Variants in TUBAL3 observed in about 807,000 individuals in gnomAD.
TUBAL3 encodes tubulin alpha like 3, also known as tubulin alpha chain-like 3.
A neutral mutation model predicts 15.5 loss-of-function variants in TUBAL3; 16 were observed. The ratio of observed to expected loss-of-function variants is 1.04; its 90% confidence interval spans 0.70 to 1.57. The LOEUF (loss-of-function observed/expected upper bound fraction) is 1.57. TUBAL3 is among the 40% of genes most tolerant of loss of function. The pLI is 0.00. For missense variants in TUBAL3, 609 were observed against 576.2 expected (o/e 1.06, Z -0.58); for synonymous variants, 238 against 224.3 (o/e 1.06, Z -0.55).
chr10:5,402,004 A>T (rs1245285217), intron 1 of TUBAL3, among the ~76,000 whole-genome samples: 1 of 152,224 alleles, frequency 6.6e-6, no homozygotes, highest in Non-Finnish European at 1.5e-5. Context: ...GATTTATGAC[A>T]TGGGAAATGC....
chr10:5,404,731 A>G, intron 1 of TUBAL3, 59 bp downstream of exon 1: 3 of 1,575,302 alleles, frequency 1.9e-6, no homozygotes, highest in African/African-American at 1.3e-5. Context: ...CTGTGGGAAA[A>G]GGGCCAAATA....
intron 2 of TUBAL3, among the ~76,000 whole-genome samples, chr10:5,398,660 T>C (rs78858303): frequency 0.039 from 5,877 of 152,308 alleles, 147 homozygotes; most frequent in South Asian, 0.072. Context: ...TCCTTCTGCC[T>C]TGCAGAGCAA....
intron 2 of TUBAL3, 149 bp downstream of exon 2, chr10:5,400,695 T>C: frequency 1.2e-6 from 1 of 840,286 alleles, no homozygotes; most frequent in Non-Finnish European, 1.9e-6. Flanking sequence ...GTCATGTTAA[T>C]CACCCATGGC....
In TUBAL3 at chr10:5,393,501, A is replaced by C. The variant is rs782265050; in HGVS notation, c.*16T>G. On this transcript the variant is annotated 3_prime_UTR_variant, in exon 4 of 4. Transcript: ENST00000380419. ...CCATTTTAACTTGACATTCATTTGC[A>C]CCCATCATACATGCCTCAGAAACTT... 67 of 1,572,722 alleles carry C rather than the reference A, an allele frequency of 4.3e-5. No individual in the cohort carries two copies. The highest frequency in any genetic ancestry group is 5.8e-5 in the Non-Finnish European group (67 of 1,159,076).
chr10:5,394,562 T>C lies in TUBAL3; in HGVS notation c.397-101A>G. 5 of 1,112,454 alleles carry C rather than the reference T, an allele frequency of 4.5e-6. No homozygotes were observed. In the Middle Eastern group the frequency reaches 1.0e-3, roughly 229 times the overall value. The allele number at this position is 1,112,454 out of a possible 1,614,324, so 68.9% of individuals were successfully genotyped here. ...TACAACAGGTTTCCCCAAAACAAAA[T>C]CTTTCAGAAAGGACTCCTTTGCCTT... On this transcript the variant is annotated intron_variant, in intron 3 of 3. Coordinates refer to ENST00000380419, the MANE Select transcript of TUBAL3 (RefSeq NM_024803.3). The surrounding 1 kb of genome is among the most constrained non-coding windows in gnomAD (Gnocchi z 4.3).
At chr10:5,402,344 C>A (rs189226501) in intron 1 of TUBAL3, among the ~76,000 whole-genome samples, 15 of 152,290 alleles carry the variant, frequency 9.8e-5, no homozygotes, top group Non-Finnish European at 1.9e-4. Context: ...GAGGTGATAG[C>A]AATCGCTGTT....
rs377212178 is a variant in TUBAL3 at position 5,394,186 on chromosome 10, G to A, written c.672C>T (p.Leu224=). The change falls in exon 4 of 4, where the codon CTC becomes CTT. Residue 224 remains leucine (L), a synonymous_variant. Transcript: ENST00000380419. The surrounding 1 kb of genome is among the most constrained non-coding windows in gnomAD (Gnocchi z 4.3). The part of the protein sequence containing the change: ...EAVYDICHRK[L]GVECPSHASI... ...TGGCATGAGAGGGGCATTCAACACC[G>A]AGTTTACGATGGCATATATCATAGA... 52 of 1,614,070 alleles carry A rather than the reference G, an allele frequency of 3.2e-5. No homozygotes were observed. The highest frequency in any genetic ancestry group is 1.1e-4 in the African/African-American group (8 of 74,916).
chr10:5,402,997 A>G (rs1588415794), intron 1 of TUBAL3, among the ~76,000 whole-genome samples: 1 of 152,214 alleles, frequency 6.6e-6, no homozygotes, highest in Non-Finnish European at 1.5e-5. Context: ...TCTGACTTGG[A>G]CTCTGTTCAT....
Position 5,396,032 on chromosome 10 carries a change from C to T in TUBAL3, c.248-557G>A, listed in dbSNP as rs2119141171. On this transcript the variant is annotated intron_variant, in intron 2 of 3. Transcript: ENST00000380419. This position sits in a 1 kb window ranked among gnomAD's most constrained non-coding sequence, Gnocchi z 5.1. ...TAGGGCCCACCCTAATCCAGGAGGA[C>T]CTCATTTTAACTAGCTACATCAGCA... is the stretch of plus-strand genomic sequence containing the variant. 6.6e-6 allele frequency among the ~76,000 whole-genome samples: 1 copy of T among 152,250 alleles called. No homozygotes were observed. The highest frequency in any genetic ancestry group is 2.4e-5 in the African/African-American group (1 of 41,546).
Position 5,396,664 on chromosome 10 carries a change from C to T in TUBAL3, c.248-1189G>A, listed in dbSNP as rs185314842. 1.1e-4 allele frequency among the ~76,000 whole-genome samples: 16 copies of T among 152,292 alleles called. No individual in the cohort carries two copies. Among genetic ancestry groups the T allele is most frequent in the African/African-American group, 3.1e-4 (13 of 41,550 alleles). On this transcript the variant is annotated intron_variant, in intron 2 of 3. Transcript: ENST00000380419. The surrounding 1 kb of genome is among the most constrained non-coding windows in gnomAD (Gnocchi z 5.1). ...TAAATGCATGACGCAGGACAATTGG[C>T]GTTAAGATGTTGGCAGTATCCAATA...
rs781800401 is a variant in TUBAL3 at position 5,395,671 on chromosome 10, G to A, written c.248-196C>T. Among the ~76,000 whole-genome samples the A allele has an allele frequency of 1.3e-5, 2 of 152,190 alleles. No homozygotes were observed. Among genetic ancestry groups the A allele is most frequent in the Non-Finnish European group, 2.9e-5 (2 of 68,038 alleles). ...AAGTGGAATTTTTTACATATACATGGAAAGTATGTTTTTCTACCATGCACC... is the reference window on the plus strand; with the variant it reads ...AAGTGGAATTTTTTACATATACATGAAAAGTATGTTTTTCTACCATGCACC... On this transcript the variant is annotated intron_variant, in intron 2 of 3. Transcript: ENST00000380419. The surrounding 1 kb of genome is among the most constrained non-coding windows in gnomAD (Gnocchi z 4.6).
chr10:5,401,060 G>T lies in TUBAL3; in HGVS notation c.31C>A (p.Gln11Lys). 6.2e-7 allele frequency: 1 copy of T among 1,614,154 alleles called. No individual in the cohort carries two copies. The highest frequency in any genetic ancestry group is 8.5e-7 in the Non-Finnish European group (1 of 1,180,040). Residue 11 changes from glutamine to lysine, a missense_variant, in exon 2 of 4, where the codon CAA (glutamine) becomes AAA (lysine). Physicochemically the swap from Gln to Lys is moderately conservative, Grantham distance 53. Coordinates refer to ENST00000380419, the MANE Select transcript of TUBAL3 (RefSeq NM_024803.3). ...GCGTCCCCAATCTGGATGCCAGCTT[G>T]ACCGATGTGGATGGAAAGGCACTCC... The part of the protein sequence containing the change: MRECLSIHIG[Q>K]AGIQIGDACW...
intron 2 of TUBAL3, 54 bp downstream of exon 2, chr10:5,400,790 A>T: frequency 6.2e-7 from 1 of 1,607,554 alleles, no homozygotes; most frequent in Non-Finnish European, 8.5e-7. Context: ...CATCCACTTG[A>T]TTTGTTTGAG....
In TUBAL3 at chr10:5,401,069, G is replaced by A. The variant is rs781954116; in HGVS notation, c.22C>T (p.His8Tyr). 15 of 1,614,040 alleles carry A rather than the reference G, an allele frequency of 9.3e-6. No individual in the cohort carries two copies. In the East Asian group the frequency reaches 3.3e-4, roughly 36 times the overall value. ...ATCTGGATGCCAGCTTGACCGATGTGGATGGAAAGGCACTCCCTCTAAAAT... is the reference window on the plus strand; with the variant it reads ...ATCTGGATGCCAGCTTGACCGATGTAGATGGAAAGGCACTCCCTCTAAAAT... MRECLSI[H>Y]IGQAGIQIGD... The change falls in exon 2 of 4, where the codon CAC (histidine) becomes TAC (tyrosine). Residue 8 changes from histidine to tyrosine, a missense_variant. Transcript: ENST00000380419.
chr10:5,404,179 G>T (rs1554814878), intron 1 of TUBAL3, among the ~76,000 whole-genome samples: 1 of 152,194 alleles, frequency 6.6e-6, no homozygotes, highest in African/African-American at 2.4e-5. Context: ...TCAAGAAGCA[G>T]TTCGAAATGT....
intron 1 of TUBAL3, among the ~76,000 whole-genome samples, chr10:5,403,505 T>A: frequency 6.6e-6 from 1 of 151,818 alleles, no homozygotes; most frequent in Non-Finnish European, 1.5e-5. Flanking sequence ...CATGTGGTAT[T>A]TGTTCATAAT....
chr10:5,398,229 T>C (rs868958454), intron 2 of TUBAL3, among the ~76,000 whole-genome samples: 7 of 152,058 alleles, frequency 4.6e-5, no homozygotes, highest in Non-Finnish European at 8.8e-5. Context: ...AAGACCAGCC[T>C]GGCCAACGTG....
At position 5,393,499 on chromosome 10, in the gene TUBAL3, G is replaced by T. The variant is rs1554813677; in HGVS notation, c.*18C>A. 1 of 1,568,274 alleles carries T rather than the reference G, an allele frequency of 6.4e-7. No homozygotes were observed. ...TGCCATTTTAACTTGACATTCATTT[G>T]CACCCATCATACATGCCTCAGAAAC... On this transcript the variant is annotated 3_prime_UTR_variant, in exon 4 of 4. Transcript: ENST00000380419.
At chr10:5,404,415 T>G (rs532883162) in intron 1 of TUBAL3, among the ~76,000 whole-genome samples, 6 of 152,132 alleles carry the variant, frequency 3.9e-5, no homozygotes, top group African/African-American at 1.4e-4. Context: ...AAGTCTGAAG[T>G]CCTCAGAAAC....
Sources: allele counts gnomAD v4.1 joint callset (sites outside exome capture counted in the v4.1 genomes callset), GRCh38; gene constraint gnomAD v4.1.1; non-coding constraint Gnocchi (gnomAD v3.1); transcripts MANE v1.5; gene names NCBI Gene and HGNC (gene_info 2026-07-23, HGNC 2026-07-21).